The following TMEM41A variants were observed in gnomAD, a reference collection of about 807,000 sequenced individuals.
The protein encoded by TMEM41A is transmembrane protein 41A.
A neutral mutation model predicts 25.7 loss-of-function variants in TMEM41A; 20 were observed. The ratio of observed to expected loss-of-function variants is 0.78; its 90% confidence interval spans 0.55 to 1.13. The LOEUF (loss-of-function observed/expected upper bound fraction) is 1.13. Among genes scored for constraint, TMEM41A ranks in the 50% most tolerant of loss-of-function variants. TMEM41A has a pLI of 0.00. For synonymous variants in TMEM41A, 133 were observed against 139.6 expected, an observed-to-expected ratio of 0.95 and a Z score of 0.33; for missense variants, 299 against 314.3, an observed-to-expected ratio of 0.95 and a Z score of 0.37.
rs752817424 is a variant in TMEM41A, at chr3:185,496,955, G to A, written c.146C>T (p.Ala49Val). 3.9e-5 allele frequency: 63 copies of A among 1,598,648 alleles called. No homozygotes were observed. Among genetic ancestry groups the A allele is most frequent in the Admixed American group, 1.4e-4 (8 of 56,922 alleles). ...GACCTCAGAGAGCTCCCGCAGCTCTGCCAGGTCGGAGGGGAACCACAGCGA... is the reference window on the plus strand; with the variant it reads ...GACCTCAGAGAGCTCCCGCAGCTCTACCAGGTCGGAGGGGAACCACAGCGA... ...GRSLWFPSDL[A>V]ELRELSEVLR... The change falls in exon 2 of 5, where the codon GCA becomes GTA. Residue 49 changes from alanine (A) to valine (V), a missense_variant. By Grantham distance (64) the Ala-to-Val change is moderately conservative. Coordinates refer to ENST00000421852, the MANE Select transcript of TMEM41A (RefSeq NM_080652.4).
In TMEM41A at chr3:185,490,995, CTTTTTTTTT is replaced by C. The variant is rs35232925; in HGVS notation, c.*533_*541del. 1 of 125,802 alleles carries C rather than the reference CTTTTTTTTT, an allele frequency of 7.9e-6. No homozygotes were observed. The highest frequency in any genetic ancestry group is 1.6e-5 in the Non-Finnish European group (1 of 62,136). The allele number at this position is 125,802 out of a possible 1,614,324, so 7.8% of individuals were successfully genotyped here. On this transcript the variant is annotated 3_prime_UTR_variant, in exon 5 of 5. Transcript: ENST00000421852. Reference sequence around the variant, plus strand: ...TACAAACAGCATTTTCTTTTTTTCTCTTTTTTTTTTTTTTTTTGTCAAGACAGTGTCTCA... The same window carrying C: ...TACAAACAGCATTTTCTTTTTTTCTCTTTTTTTTGTCAAGACAGTGTCTCA...
At chr3:185,497,057 T>C (rs1719125246) in intron 1 of TMEM41A, 76 bp from the exon 2 acceptor site, 3 of 1,501,458 alleles carry the variant, frequency 2.0e-6, no homozygotes, top group Middle Eastern at 2.4e-4. Flanking sequence ...CGCTGTGTCT[T>C]CTTTTCAGAG....
intron 4 of TMEM41A, 83 bp downstream of exon 4, chr3:185,494,540 A>G: frequency 7.2e-7 from 1 of 1,394,682 alleles, no homozygotes; most frequent in Non-Finnish European, 9.4e-7. Flanking sequence ...AGAAGCAGGC[A>G]CATGCTCACG....
intron 1 of TMEM41A, 79 bp downstream of exon 1, chr3:185,498,756 CCCGAATCT>C (rs1719186917): frequency 9.9e-7 from 1 of 1,009,742 alleles, no homozygotes; most frequent in South Asian, 1.7e-5. Flanking sequence ...GATACCGGAA[CCCGAATCT>C]CCGAATCTCC....
At position 185,490,292 on chromosome 3, in the gene TMEM41A, T is replaced by C. The variant is rs554033795; in HGVS notation, c.*1245A>G. On this transcript the variant is annotated 3_prime_UTR_variant, in exon 5 of 5. Transcript: ENST00000421852. ...AGATAAATTAAAAGATACAATTGTT[T>C]AGTTACTCTAAGCAAATACAACAAT... 7.9e-5 allele frequency: 12 copies of C among 152,360 alleles called. No homozygotes were observed. The South Asian group carries it at 1.2e-3, about 16-fold the overall frequency. The allele number at this position is 152,360 out of a possible 1,614,324, so 9.4% of individuals were successfully genotyped here. A position where few individuals can be genotyped will look rare whatever the true frequency, so the allele number is the denominator to read the frequency against.
Position 185,494,627 on chromosome 3 carries a change from A to G in TMEM41A, c.570T>C (p.Leu190=), listed in dbSNP as rs776035444. 1 of 1,598,118 alleles carries G rather than the reference A, an allele frequency of 6.3e-7. No homozygotes were observed. Among genetic ancestry groups the G allele is most frequent in the Admixed American group, 1.8e-5 (1 of 56,774 alleles). Reference sequence around the variant, plus strand: ...CCTACCCCACTAGCATCTTACCGATAAGAACTGAGAAGAAGAACTGCACGA... The same window carrying G: ...CCTACCCCACTAGCATCTTACCGATGAGAACTGAGAAGAAGAACTGCACGA... The part of the protein sequence containing the change: ...IPIVQFFFSV[L]IGLIPYNFIC... Residue 190 remains leucine, a synonymous_variant, in exon 4 of 5, where the codon CTT becomes CTC. Transcript: ENST00000421852.
chr3:185,492,953 A>G (rs1230159422), intron 4 of TMEM41A: 1 of 152,200 alleles, frequency 6.6e-6, no homozygotes, highest in East Asian at 1.9e-4. Context: ...CAATATGACC[A>G]AAATTGGCCG....
At chr3:185,497,862 T>C (rs1719147758) in intron 1 of TMEM41A, among the ~76,000 whole-genome samples, 1 of 152,204 alleles carries the variant, frequency 6.6e-6, no homozygotes, top group Non-Finnish European at 1.5e-5. Flanking sequence ...AATGCTGTAC[T>C]AGGCACACTT....
intron 2 of TMEM41A, chr3:185,496,557 C>T (rs1365717774): frequency 4.1e-6 from 2 of 491,886 alleles, no homozygotes; most frequent in South Asian, 2.1e-5. Context: ...TTCTAGTTTC[C>T]GACAAGGAAA....
chr3:185,498,704 G>A (rs961995086), intron 1 of TMEM41A, 139 bp downstream of exon 1: 1 of 674,046 alleles, frequency 1.5e-6, no homozygotes, highest in Non-Finnish European at 2.5e-6. Context: ...TACCAGACCC[G>A]GATTCCAGTC....
At chr3:185,495,424 G>T in intron 2 of TMEM41A, 109 bp from the exon 3 acceptor site, 1 of 1,033,980 alleles carries the variant, frequency 9.7e-7, no homozygotes, top group Non-Finnish European at 1.4e-6. Context: ...CTTTTTTCCA[G>T]CTAAAACCCA....
At chr3:185,498,645 G>A (rs996626464) in intron 1 of TMEM41A, 198 bp downstream of exon 1, 7 of 546,214 alleles carry the variant, frequency 1.3e-5, no homozygotes, top group African/African-American at 4.0e-5. Context: ...GCCCGGAGCC[G>A]GGCTCCCATC....
In TMEM41A at chr3:185,498,955, G is replaced by A. The variant is rs755638940; in HGVS notation, c.7C>T (p.Pro3Ser). 6.3e-6 allele frequency: 10 copies of A among 1,598,446 alleles called. No individual in the cohort carries two copies. The highest frequency in any genetic ancestry group is 8.5e-6 in the Non-Finnish European group (10 of 1,173,630). The part of the protein sequence containing the change: MR[P>S]LLGLLLVFAG... ...AAGACCAGAAGGAGGCCGAGAAGCG[G>A]GCGCATGTCGGCTCCGCACCCCGGC... The change falls in exon 1 of 5, where the codon CCG becomes TCG. Residue 3 changes from proline (P) to serine (S), a missense_variant. By Grantham distance (74) the Pro-to-Ser change is moderately conservative. Transcript: ENST00000421852.
At position 185,495,577 on chromosome 3, in the gene TMEM41A, A is replaced by C; in HGVS notation, c.274-262T>G. The C allele has an allele frequency of 6.1e-6, 3 of 491,882 alleles. No homozygotes were observed. The South Asian group carries it at 8.3e-5, about 14-fold the overall frequency. The allele number at this position is 491,882 out of a possible 1,614,324, so 30.5% of individuals were successfully genotyped here. A position where few individuals can be genotyped will look rare whatever the true frequency, so the allele number is the denominator to read the frequency against. On this transcript the variant is annotated intron_variant, in intron 2 of 4. Coordinates refer to ENST00000421852, the MANE Select transcript of TMEM41A (RefSeq NM_080652.4). ...TGCCTCAGCCTCCCAAGCAGCTAGG[A>C]CTGTAGGCACACACCACCACATTCA... is the stretch of plus-strand genomic sequence containing the variant.
Position 185,489,811 on chromosome 3 carries a change from G to C in TMEM41A, c.*1726C>G, listed in dbSNP as rs923900282. Reference sequence around the variant, plus strand: ...AACACCAAAGGCCACAGTCTTCAAAGTCTGCTGCCTCCTTCCCCCACTCTC... The same window carrying C: ...AACACCAAAGGCCACAGTCTTCAAACTCTGCTGCCTCCTTCCCCCACTCTC... On this transcript the variant is annotated 3_prime_UTR_variant, in exon 5 of 5. Transcript: ENST00000421852. 6.6e-6 allele frequency: 1 copy of C among 152,160 alleles called. No homozygotes were observed. Among genetic ancestry groups the C allele is most frequent in the African/African-American group, 2.4e-5 (1 of 41,420 alleles). 9.4% of individuals were successfully genotyped at this position (152,160 alleles called of 1,614,324 possible).
In TMEM41A at chr3:185,491,699, G is replaced by T. The variant is rs143090267; in HGVS notation, c.633C>A (p.Thr211=). The change falls in exon 5 of 5, where the codon ACC becomes ACA. Residue 211 remains threonine, a synonymous_variant. Transcript: ENST00000421852. ...CCCAGGAGAAAAGAGCATCCAGAGA[G>T]GTTAGGGTTGACAGGATGGACCCTG... The part of the protein sequence containing the change: ...VQTGSILSTL[T]SLDALFSWDT... 1.1e-5 allele frequency: 17 copies of T among 1,614,088 alleles called. No homozygotes were observed. The highest frequency in any genetic ancestry group is 1.4e-5 in the Non-Finnish European group (16 of 1,180,028).
At chr3:185,492,352 G>A (rs375740674) in intron 4 of TMEM41A, 5 of 151,892 alleles carry the variant, frequency 3.3e-5, no homozygotes, top group Admixed American at 6.6e-5. Flanking sequence ...AGCAAAATGC[G>A]TGCAGAAGAA....
At chr3:185,496,369 G>T (rs982821584) in intron 2 of TMEM41A, 1 of 239,196 alleles carries the variant, frequency 4.2e-6, no homozygotes, top group Non-Finnish European at 8.5e-6. Context: ...ACAGCAGGCA[G>T]AGTCAGGGTT....
chr3:185,491,527 A>G lies in TMEM41A; in HGVS notation c.*10T>C. ...CTGAGTCCAGGGATGTGGCAAACAG[A>G]AAATCCAGATCATGTGTCTTTTCTA... On this transcript the variant is annotated 3_prime_UTR_variant, in exon 5 of 5. Transcript: ENST00000421852. 1 of 1,610,594 alleles carries G rather than the reference A, an allele frequency of 6.2e-7. No individual in the cohort carries two copies. Among genetic ancestry groups the G allele is most frequent in the Non-Finnish European group, 8.5e-7 (1 of 1,177,432 alleles).
Sources: gnomAD v4.1 joint callset for allele counts (sites outside exome capture counted in the v4.1 genomes callset) on GRCh38, gnomAD v4.1.1 for gene constraint, MANE v1.5 for transcripts, NCBI Gene and HGNC (gene_info 2026-07-23, HGNC 2026-07-21) for gene names.